The following GRIN2A variants were observed in gnomAD, a reference collection of about 807,000 sequenced individuals.
GRIN2A encodes glutamate ionotropic receptor NMDA type subunit 2A, also known as glutamate receptor ionotropic, NMDA 2A.
GRIN2A carries 22 observed loss-of-function variants against 113.4 expected under a neutral mutation model. The ratio of observed to expected loss-of-function variants is 0.19; its 90% confidence interval spans 0.14 to 0.28. The LOEUF is 0.28. GRIN2A is among the 10% of genes least tolerant of loss of function. The pLI, the probability that GRIN2A is intolerant of heterozygous loss-of-function variation, is 1.00. For missense variants in GRIN2A, 1,502 were observed against 1,887.0 expected, an observed-to-expected ratio of 0.80 and a Z score of 3.78; for synonymous variants, 827 against 738.4, an observed-to-expected ratio of 1.12 and a Z score of -1.94.
chr16:9,768,389 A>G (rs1901050916), intron 12 of GRIN2A, among the ~76,000 whole-genome samples: 2 of 152,210 alleles, frequency 1.3e-5, no homozygotes, highest in Admixed American at 1.3e-4. Flanking sequence ...TAATATTTAA[A>G]AATGGAAAGG....
At chr16:9,959,990 C>A (rs1361676976) in intron 2 of GRIN2A, among the ~76,000 whole-genome samples, 1 of 152,030 alleles carries the variant, frequency 6.6e-6, no homozygotes, top group Non-Finnish European at 1.5e-5. Context: ...CAAACAAAAA[C>A]CATAGCACAT....
intron 2 of GRIN2A, among the ~76,000 whole-genome samples, chr16:10,004,361 C>T (rs907457920): frequency 6.6e-6 from 1 of 151,920 alleles, no homozygotes; most frequent in Non-Finnish European, 1.5e-5. Flanking sequence ...TGCACTCCAG[C>T]CTGGGTGACA....
At chr16:9,859,202 C>T (rs953263373) in intron 4 of GRIN2A, among the ~76,000 whole-genome samples, 9 of 152,234 alleles carry the variant, frequency 5.9e-5, no homozygotes, top group African/African-American at 1.7e-4. Context: ...AACACACACA[C>T]ACATCTGCCT....
intron 2 of GRIN2A, among the ~76,000 whole-genome samples, chr16:10,168,931 C>A (rs1049282498): frequency 6.6e-6 from 1 of 151,352 alleles, no homozygotes; most frequent in Non-Finnish European, 1.5e-5. Context: ...TGCCATTGAA[C>A]TCCAGCCTGG....
intron 10 of GRIN2A, among the ~76,000 whole-genome samples, chr16:9,817,913 G>GA (rs983827740): frequency 1.7e-4 from 26 of 152,164 alleles, no homozygotes; most frequent in African/African-American, 6.3e-4. Context: ...GGTGTTGGGG[G>GA]AATGTTCAAA....
intron 4 of GRIN2A, among the ~76,000 whole-genome samples, chr16:9,886,349 T>C (rs1026476309): frequency 6.6e-6 from 1 of 152,164 alleles, no homozygotes; most frequent in Non-Finnish European, 1.5e-5. Context: ...AAAGTAATGA[T>C]ATAAGAAAAT....
intron 2 of GRIN2A, among the ~76,000 whole-genome samples, chr16:10,018,215 G>A (rs1047610050): frequency 2.0e-5 from 3 of 152,294 alleles, no homozygotes; most frequent in Non-Finnish European, 4.4e-5. Flanking sequence ...GCAGATGCAC[G>A]TGGGCCATTT....
At chr16:10,057,733 C>G (rs2047479919) in intron 2 of GRIN2A, among the ~76,000 whole-genome samples, 1 of 152,144 alleles carries the variant, frequency 6.6e-6, no homozygotes, top group South Asian at 2.1e-4. Flanking sequence ...AGGGAGTCCA[C>G]TGAAGACTGC....
intron 2 of GRIN2A, among the ~76,000 whole-genome samples, chr16:10,158,408 T>G (rs1296173985): frequency 6.6e-6 from 1 of 152,226 alleles, no homozygotes; most frequent in East Asian, 1.9e-4. Context: ...CCCAGCAGTT[T>G]CACTCTTGGG....
chr16:10,042,004 T>C (rs551258886), intron 2 of GRIN2A, among the ~76,000 whole-genome samples: 1 of 152,264 alleles, frequency 6.6e-6, no homozygotes, highest in South Asian at 2.1e-4. Flanking sequence ...TGAGTCCTCC[T>C]TGTGCAATGA....
Position 9,982,366 on chromosome 16 carries a change from A to G in GRIN2A, c.415-43815T>C, listed in dbSNP as rs544893158. ...TTTGTAACATTAGCAGGCATTGACA[A>G]TAATTGCCTGGATCCATTAGTTCAT... On this transcript the variant is annotated intron_variant, in intron 2 of 12. Transcript: ENST00000330684. Among the ~76,000 whole-genome samples the G allele has an allele frequency of 4.3e-4, 66 of 152,340 alleles. 1 individual carries two copies. Among genetic ancestry groups the G allele is most frequent in the African/African-American group, 1.6e-3 (65 of 41,582 alleles).
At chr16:10,145,230 A>G (rs144966198) in intron 2 of GRIN2A, among the ~76,000 whole-genome samples, 2,265 of 152,274 alleles carry the variant, frequency 0.015, 28 homozygotes, top group Middle Eastern at 0.02. Flanking sequence ...TGCAGGATGA[A>G]TAAGTTCTGG....
rs1056245748 is a variant in GRIN2A at position 9,821,232 on chromosome 16, T to C, written c.2168+1032A>G. ...TGAAATGCCCCATATGAGCTAATTT[T>C]CTGGATAATCAAAATCCCCTCATTA... On this transcript the variant is annotated intron_variant, in intron 10 of 12. Transcript: ENST00000330684. Among the ~76,000 whole-genome samples, 8 of 152,320 alleles carry C rather than the reference T, an allele frequency of 5.3e-5. No individual in the cohort carries two copies. The East Asian group carries it at 1.5e-3, about 29-fold the overall frequency.
At chr16:9,849,694 C>T (rs1420766374) in intron 5 of GRIN2A, 62 bp downstream of exon 5, 4 of 1,183,148 alleles carry the variant, frequency 3.4e-6, no homozygotes, top group Admixed American at 1.7e-5. Context: ...TTGTTACTAT[C>T]GATGATCCAT....
At chr16:10,017,615 G>A (rs890092481) in intron 2 of GRIN2A, among the ~76,000 whole-genome samples, 9 of 152,114 alleles carry the variant, frequency 5.9e-5, no homozygotes, top group African/African-American at 2.2e-4. Context: ...AAAAGAACAA[G>A]CATAACATAA....
At chr16:9,989,088 G>A (rs1482907619) in intron 2 of GRIN2A, among the ~76,000 whole-genome samples, 3 of 152,060 alleles carry the variant, frequency 2.0e-5, no homozygotes, top group Non-Finnish European at 2.9e-5. Flanking sequence ...AATGGGCAAG[G>A]CAATCCTAAG....
chr16:9,943,723 C>T lies in GRIN2A; in HGVS notation c.415-5172G>A, dbSNP rs1285256726. The stretch of plus-strand genomic sequence containing the variant: ...GGCCCCATGGTGATGGCAGCTCAGT[C>T]ATCGTGAGATGCATCCAGTTTTCCC... On this transcript the variant is annotated intron_variant, in intron 2 of 12. Transcript: ENST00000330684. 2.0e-5 allele frequency among the ~76,000 whole-genome samples: 3 copies of T among 152,292 alleles called. No homozygotes were observed. The South Asian group carries it at 6.2e-4, about 32-fold the overall frequency.
intron 2 of GRIN2A, among the ~76,000 whole-genome samples, chr16:9,990,628 A>G (rs2046093170): frequency 6.6e-6 from 1 of 150,964 alleles, no homozygotes; most frequent in Admixed American, 6.6e-5. Context: ...CTGCCTCTAG[A>G]TACTGACTCA....
chr16:9,909,965 A>T (rs1372166950), intron 3 of GRIN2A, among the ~76,000 whole-genome samples: 1 of 152,192 alleles, frequency 6.6e-6, no homozygotes, highest in Non-Finnish European at 1.5e-5. Context: ...ATCATACACT[A>T]TGTGGCCTTT....
Sources: gnomAD v4.1 joint callset for allele counts (sites outside exome capture counted in the v4.1 genomes callset) on GRCh38, gnomAD v4.1.1 for gene constraint, MANE v1.5 for transcripts, NCBI Gene and HGNC (gene_info 2026-07-23, HGNC 2026-07-21) for gene names.